COG6: variants seen among roughly 807,000 people sequenced by gnomAD.
COG6 encodes component of oligomeric golgi complex 6, also known as conserved oligomeric Golgi complex subunit 6.
A neutral mutation model predicts 88.8 loss-of-function variants in COG6; 74 were observed. The observed-to-expected ratio is 0.83, with a 90% confidence interval of 0.69 to 1.01. COG6 has a LOEUF of 1.01. Among genes scored for constraint, COG6 ranks in the 50% least tolerant of loss-of-function variants. COG6 has a pLI of 0.00. For missense variants in COG6, 800 were observed against 797.9 expected, an observed-to-expected ratio of 1.00 and a Z score of -0.03; for synonymous variants, 286 against 278.7, an observed-to-expected ratio of 1.03 and a Z score of -0.26.
At chr13:39,730,949 G>A (rs1879411841) in intron 18 of COG6, among the ~76,000 whole-genome samples, 1 of 151,570 alleles carries the variant, frequency 6.6e-6, no homozygotes, top group Non-Finnish European at 1.5e-5. Context: ...AGCTTCCTGA[G>A]TAGTTGGGAC....
At position 39,727,465 on chromosome 13, in the gene COG6, T is replaced by A. The variant is rs372293244; in HGVS notation, c.1747-4T>A. 20 of 1,607,602 alleles carry A rather than the reference T, an allele frequency of 1.2e-5. No homozygotes were observed. The highest frequency in any genetic ancestry group is 1.5e-5 in the Non-Finnish European group (18 of 1,174,356). On this transcript the variant is annotated splice_polypyrimidine_tract_variant and splice_region_variant and intron_variant, in intron 17 of 18. Coordinates refer to ENST00000455146, the MANE Select transcript of COG6 (RefSeq NM_020751.3). ...TATATTTTGTATTTCTCTGTTTCATTTAGGTTCAGTTTGATCGTTATCTGT... is the reference window on the plus strand; with the variant it reads ...TATATTTTGTATTTCTCTGTTTCATATAGGTTCAGTTTGATCGTTATCTGT...
chr13:39,730,722 C>T (rs1001956138), intron 18 of COG6, among the ~76,000 whole-genome samples: 13 of 134,690 alleles, frequency 9.7e-5, no homozygotes, highest in Admixed American at 3.2e-4. Flanking sequence ...TGCAGTGAGC[C>T]GCAGTCGCAC....
rs555944047 is a variant in COG6, at chr13:39,727,149, A to G, written c.1747-320A>G. 8.5e-5 allele frequency among the ~76,000 whole-genome samples: 13 copies of G among 152,156 alleles called. 1 individual carries two copies. In the South Asian group the frequency reaches 2.7e-3, roughly 32 times the overall value. On this transcript the variant is annotated intron_variant, in intron 17 of 18. Transcript: ENST00000455146. ...TGAACAAATATAGTAAAATCAAGAA[A>G]CAGGTAGACCTGAAACCTGATGACT...
At chr13:39,656,759 A>C (rs1015369989) in intron 1 of COG6, 2 of 450,432 alleles carry the variant, frequency 4.4e-6, no homozygotes, top group African/African-American at 4.0e-5. Context: ...CACTTATTAG[A>C]TAGAACCACT....
intron 18 of COG6, among the ~76,000 whole-genome samples, chr13:39,748,116 G>C (rs963068614): frequency 7.9e-5 from 12 of 152,094 alleles, no homozygotes; most frequent in Non-Finnish European, 1.8e-4. Flanking sequence ...ATGTTATTGC[G>C]CTTAGAAAAG....
intron 10 of COG6, 63 bp downstream of exon 10, chr13:39,687,862 C>A: frequency 8.5e-7 from 1 of 1,169,796 alleles, no homozygotes; most frequent in South Asian, 1.3e-5. Flanking sequence ...ATCTCTGTTT[C>A]TGTTCTTGTT....
chr13:39,723,364 A>G lies in COG6; in HGVS notation c.1616A>G (p.Glu539Gly), dbSNP rs1182318533. The G allele has an allele frequency of 6.2e-7, 1 of 1,610,854 alleles. No individual in the cohort carries two copies. The highest frequency in any genetic ancestry group is 8.5e-7 in the Non-Finnish European group (1 of 1,177,312). ...IEAHLDTLINEQASYVLTRVG... is the reference protein window; with the variant it reads ...IEAHLDTLINGQASYVLTRVG... ...GCACATTTGGACACACTTATAAATG[A>G]GCAAGCCTCTTATGTTTTAACTAGG... The change falls in exon 16 of 19, where the codon GAG (glutamate) becomes GGG (glycine). Residue 539 changes from glutamate to glycine, a missense_variant. Glu to Gly is a moderately conservative substitution (Grantham distance 98). Coordinates refer to ENST00000455146, the MANE Select transcript of COG6 (RefSeq NM_020751.3).
At chr13:39,778,516 G>A (rs1881530525) in intron 18 of COG6, among the ~76,000 whole-genome samples, 1 of 152,228 alleles carries the variant, frequency 6.6e-6, no homozygotes, top group Non-Finnish European at 1.5e-5. Context: ...TTAGTATCAG[G>A]AGAGGATATA....
At chr13:39,689,354 AC>A (rs1432133374) in intron 10 of COG6, among the ~76,000 whole-genome samples, 2 of 152,110 alleles carry the variant, frequency 1.3e-5, no homozygotes, top group Non-Finnish European at 2.9e-5. Context: ...TCATCTTTAT[AC>A]CCTCAGTGTA....
Position 39,682,227 on chromosome 13 carries a change from G to A in COG6, c.751G>A (p.Ala251Thr), listed in dbSNP as rs765652273. The A allele has an allele frequency of 2.6e-5, 42 of 1,612,382 alleles. No individual in the cohort carries two copies. Among genetic ancestry groups the A allele is most frequent in the South Asian group, 1.8e-4 (16 of 91,042 alleles). Reference protein sequence around the residue: ...SCDVSPVLTQAMEALQDRPVL... With the variant: ...SCDVSPVLTQTMEALQDRPVL... ...TGACGTATCTCCAGTATTGACACAGGCAATGGAAGCCCTGCAGGACAGACC... is the reference window on the plus strand; with the variant it reads ...TGACGTATCTCCAGTATTGACACAGACAATGGAAGCCCTGCAGGACAGACC... Residue 251 changes from alanine (A) to threonine (T), a missense_variant, in exon 8 of 19, where the codon GCA becomes ACA. Physicochemically the swap from Ala to Thr is moderately conservative, Grantham distance 58. Transcript: ENST00000455146.
At chr13:39,693,424 T>A (rs1877092213) in intron 11 of COG6, among the ~76,000 whole-genome samples, 1 of 151,972 alleles carries the variant, frequency 6.6e-6, no homozygotes, top group South Asian at 2.1e-4. Context: ...TTGTTTAAAA[T>A]CTGCTAGTAA....
rs1357662240 is a variant in COG6, at chr13:39,689,809, GT to G, written c.1060del (p.Cys354AlafsTer4). 4 of 1,609,306 alleles carry G rather than the reference GT, an allele frequency of 2.5e-6. No individual in the cohort carries two copies. The highest frequency in any genetic ancestry group is 1.3e-5 in the African/African-American group (1 of 74,796). ...EVVGHITEGV[C>X]RPLKVRIEQV... ...TTGTTGGGCATATCACTGAAGGTGT[GT>G]GCAGGCCTCTAAAGGTAAAATATTT... is the stretch of plus-strand genomic sequence containing the variant. On this transcript the variant is annotated frameshift_variant, in exon 11 of 19. Transcript: ENST00000455146. LOFTEE classifies it high-confidence loss of function.
intron 8 of COG6, 107 bp from the exon 9 acceptor site, chr13:39,687,396 C>A (rs1876712226): frequency 3.0e-6 from 3 of 988,464 alleles, no homozygotes; most frequent in East Asian, 2.4e-5. Context: ...TCTAAAGGAG[C>A]TTTAAGTGCT....
chr13:39,657,317 C>T (rs1224211910), intron 1 of COG6, among the ~76,000 whole-genome samples: 1 of 152,240 alleles, frequency 6.6e-6, no homozygotes, highest in African/African-American at 2.4e-5. Context: ...AAGGCGTGAA[C>T]CACTGCGCCC....
At chr13:39,781,444 T>A (rs1370172112) in intron 18 of COG6, among the ~76,000 whole-genome samples, 3 of 147,200 alleles carry the variant, frequency 2.0e-5, no homozygotes, top group Non-Finnish European at 4.5e-5. Context: ...GCGGAGGGTT[T>A]TTTTTTTTTT....
intron 13 of COG6, among the ~76,000 whole-genome samples, chr13:39,704,365 A>G (rs1877765870): frequency 6.6e-6 from 1 of 152,200 alleles, no homozygotes; most frequent in East Asian, 1.9e-4. Context: ...TAACATAAGC[A>G]GTCAACTCAT....
At chr13:39,730,989 T>A (rs1435104422) in intron 18 of COG6, among the ~76,000 whole-genome samples, 1 of 151,326 alleles carries the variant, frequency 6.6e-6, no homozygotes, top group Non-Finnish European at 1.5e-5. Context: ...TCCTGGCTGA[T>A]TTTTGTATTT....
chr13:39,768,700 T>C (rs557090311), intron 18 of COG6, among the ~76,000 whole-genome samples: 31 of 152,154 alleles, frequency 2.0e-4, no homozygotes, highest in African/African-American at 7.2e-4. Context: ...AAGTTGTAAT[T>C]ACGTGATATC....
At chr13:39,661,733 T>C (rs1012531061) in intron 3 of COG6, among the ~76,000 whole-genome samples, 5 of 151,434 alleles carry the variant, frequency 3.3e-5, no homozygotes, top group African/African-American at 1.2e-4. Flanking sequence ...ATATAATATA[T>C]ACTAATTATT....
Sources: allele counts gnomAD v4.1 joint callset (sites outside exome capture counted in the v4.1 genomes callset), GRCh38; gene constraint gnomAD v4.1.1; transcripts MANE v1.5; gene names NCBI Gene and HGNC (gene_info 2026-07-23, HGNC 2026-07-21).